The following UBR2 variants were observed in gnomAD, a reference collection of about 807,000 sequenced individuals.
UBR2 encodes ubiquitin protein ligase E3 component n-recognin 2.
Under a neutral mutation model 247.9 loss-of-function variants are expected in UBR2, and 92 were observed. The ratio of observed to expected loss-of-function variants is 0.37; its 90% confidence interval spans 0.31 to 0.44. The LOEUF is 0.44. Among genes scored for constraint, UBR2 ranks in the 20% least tolerant of loss-of-function variants. UBR2 has a pLI of 1.00. For missense variants in UBR2, 1,613 were observed against 2,112.6 expected (o/e 0.76, Z 4.64); for synonymous variants, 672 against 693.5 (o/e 0.97, Z 0.49).
chr6:42,683,033 T>A, intron 42 of UBR2, 22 bp from the exon 43 acceptor site: 1 of 1,607,580 alleles, frequency 6.2e-7, no homozygotes, highest in Non-Finnish European at 8.5e-7. Context: ...TTTGTGTTTT[T>A]CCCCCTCTGT....
rs754437042 is a variant in UBR2 at position 42,573,959 on chromosome 6, G to GTT, written c.308_309dup (p.Lys104LeufsTer3). The GTT allele has an allele frequency of 2.5e-6, 4 of 1,611,166 alleles. No individual in the cohort carries two copies. Among genetic ancestry groups the GTT allele is most frequent in the Non-Finnish European group, 3.4e-6 (4 of 1,178,850 alleles). ...CAAACCTTCTCATCTTTGTGGTCGTGTTTTTAAAGTAGGAGAGCCTACATA... is the reference window on the plus strand; with the variant it reads ...CAAACCTTCTCATCTTTGTGGTCGTGTTTTTTTAAAGTAGGAGAGCCTACATA... On this transcript the variant is annotated frameshift_variant, in exon 2 of 47. Transcript: ENST00000372901. LOFTEE classifies it high-confidence loss of function.
At chr6:42,599,505 C>T (rs994238428) in intron 4 of UBR2, among the ~76,000 whole-genome samples, 2 of 152,106 alleles carry the variant, frequency 1.3e-5, no homozygotes, top group Non-Finnish European at 2.9e-5. Flanking sequence ...GGATTTAAAC[C>T]TATGTAGTAT....
At chr6:42,573,595 G>A (rs754444127) in intron 1 of UBR2, 139 bp from the exon 2 acceptor site, 34 of 911,816 alleles carry the variant, frequency 3.7e-5, no homozygotes, top group Non-Finnish European at 4.9e-5. Context: ...AATTTCTAAC[G>A]TACGGTGGTG....
At chr6:42,650,976 C>T (rs2151966050) in intron 23 of UBR2, among the ~76,000 whole-genome samples, 1 of 152,228 alleles carries the variant, frequency 6.6e-6, no homozygotes, top group East Asian at 1.9e-4. Context: ...AATCCCAGCA[C>T]TTTGGGAGGC....
At chr6:42,564,822 T>C (rs1210299899) in intron 1 of UBR2, among the ~76,000 whole-genome samples, 10 of 152,144 alleles carry the variant, frequency 6.6e-5, no homozygotes, top group African/African-American at 2.4e-4. Context: ...AGCCGTGTGC[T>C]CCTCCGACTA....
At chr6:42,618,659 G>A (rs961838082) in intron 11 of UBR2, among the ~76,000 whole-genome samples, 1 of 152,208 alleles carries the variant, frequency 6.6e-6, no homozygotes, top group African/African-American at 2.4e-5. Flanking sequence ...CATGCTGTCT[G>A]TAATTTGGAG....
At chr6:42,578,437 C>G (rs1184386543) in intron 2 of UBR2, among the ~76,000 whole-genome samples, 2 of 152,092 alleles carry the variant, frequency 1.3e-5, no homozygotes, top group African/African-American at 4.8e-5. Context: ...TGTAATTCTC[C>G]TAAGTCTCAG....
intron 1 of UBR2, among the ~76,000 whole-genome samples, chr6:42,573,439 A>T (rs1791295646): frequency 6.6e-6 from 1 of 152,196 alleles, no homozygotes; most frequent in African/African-American, 2.4e-5. Flanking sequence ...ATCTTATATA[A>T]TGATTTCTTG....
chr6:42,686,076 TG>T (rs1484084673), intron 44 of UBR2, among the ~76,000 whole-genome samples: 4 of 151,892 alleles, frequency 2.6e-5, no homozygotes, highest in Non-Finnish European at 4.4e-5. Flanking sequence ...TTATTTTGTA[TG>T]TTTTTTTTTT....
Position 42,564,185 on chromosome 6 carries a change from T to G in UBR2, c.-135T>G. 1 of 951,918 alleles carries G rather than the reference T, an allele frequency of 1.1e-6. No homozygotes were observed. Among genetic ancestry groups the G allele is most frequent in the Non-Finnish European group, 1.6e-6 (1 of 639,040 alleles). The allele number at this position is 951,918 out of a possible 1,614,324, so 59.0% of individuals were successfully genotyped here. ...TTCACGTCACCCTTCTCTCCCTCTG[T>G]TGCTCCACCTGCAGCCACTTGGACG... On this transcript the variant is annotated 5_prime_UTR_variant, in exon 1 of 47. Transcript: ENST00000372901.
intron 44 of UBR2, among the ~76,000 whole-genome samples, chr6:42,686,891 G>C (rs1423144407): frequency 6.6e-6 from 1 of 151,940 alleles, no homozygotes; most frequent in Non-Finnish European, 1.5e-5. Flanking sequence ...AGACAGGGTC[G>C]CGGCCGGGCA....
At chr6:42,595,608 T>G (rs6902425) in intron 4 of UBR2, among the ~76,000 whole-genome samples, 114,360 of 151,766 alleles carry the variant, frequency 0.75, 43,498 homozygotes, top group African/African-American at 0.85. Flanking sequence ...AGTTGGGTGT[T>G]GTGGCACGTG....
chr6:42,583,908 A>G (rs1792078523), intron 2 of UBR2, among the ~76,000 whole-genome samples: 4 of 151,232 alleles, frequency 2.6e-5, no homozygotes, highest in African/African-American at 4.9e-5. Flanking sequence ...AATTTTTTAT[A>G]TGGCTTGAGG....
chr6:42,680,008 T>G (rs1798942875), intron 42 of UBR2, among the ~76,000 whole-genome samples, 176 bp downstream of exon 42: 1 of 152,138 alleles, frequency 6.6e-6, no homozygotes, highest in Admixed American at 6.6e-5. Context: ...TTTGTTTTTG[T>G]TTTTGTTTTT....
intron 11 of UBR2, among the ~76,000 whole-genome samples, chr6:42,630,451 G>T (rs960907143): frequency 6.6e-6 from 1 of 151,612 alleles, no homozygotes; most frequent in South Asian, 2.1e-4. Context: ...CTCCCTTGCT[G>T]GGATAACAGG....
chr6:42,655,952 G>A (rs1347343243), intron 26 of UBR2, among the ~76,000 whole-genome samples: 2 of 152,140 alleles, frequency 1.3e-5, no homozygotes, highest in East Asian at 1.9e-4. Flanking sequence ...TGTGGTTGAC[G>A]TAAGATTCTA....
chr6:42,630,484 ATT>A (rs571382373), intron 11 of UBR2, among the ~76,000 whole-genome samples: 1 of 144,686 alleles, frequency 6.9e-6, no homozygotes. Context: ...CACCCAGCCT[ATT>A]TTTTTTTTTT....
rs192101620 is a variant in UBR2, at chr6:42,596,077, C to A, written c.531+1773C>A. Reference sequence around the variant, plus strand: ...CCACTGGTATAAAACTTTAGGACTGCAGGAGAAAGTATATGTGTGTATATC... The same window carrying A: ...CCACTGGTATAAAACTTTAGGACTGAAGGAGAAAGTATATGTGTGTATATC... On this transcript the variant is annotated intron_variant, in intron 4 of 46. Coordinates refer to ENST00000372901, the MANE Select transcript of UBR2 (RefSeq NM_001363705.2). 5.3e-3 allele frequency among the ~76,000 whole-genome samples: 781 copies of A among 148,474 alleles called. 7 individuals carry two copies. Among genetic ancestry groups the A allele is most frequent in the Non-Finnish European group, 8.5e-3 (572 of 67,260 alleles).
intron 21 of UBR2, among the ~76,000 whole-genome samples, chr6:42,647,455 G>A (rs1796839736): frequency 6.7e-6 from 1 of 149,530 alleles, no homozygotes; most frequent in South Asian, 2.1e-4. Context: ...AATTAGCCAG[G>A]TGTGGTGGCA....
Sources: gnomAD v4.1 joint callset for allele counts (sites outside exome capture counted in the v4.1 genomes callset) on GRCh38, gnomAD v4.1.1 for gene constraint, MANE v1.5 for transcripts, NCBI Gene and HGNC (gene_info 2026-07-23, HGNC 2026-07-21) for gene names.